GPR176: variants seen among roughly 807,000 people sequenced by gnomAD.
GPR176 encodes G-protein coupled receptor 176.
Under a neutral mutation model 35.4 loss-of-function variants are expected in GPR176, and 26 were observed. The observed-to-expected ratio is 0.74, with a 90% CI of 0.54 to 1.02. GPR176 has a LOEUF of 1.02. Among genes scored for constraint, GPR176 ranks in the 50% least tolerant of loss-of-function variants. The pLI is 0.00. For synonymous variants in GPR176, 278 were observed against 271.3 expected (o/e 1.02, Z -0.24); for missense variants, 597 against 665.3 (o/e 0.90, Z 1.13).
chr15:39,868,020 A>G (rs978156478), intron 1 of GPR176, among the ~76,000 whole-genome samples: 1 of 152,152 alleles, frequency 6.6e-6, no homozygotes, highest in African/African-American at 2.4e-5. Context: ...CTAAGCCATG[A>G]TGCCACCTGT....
At chr15:39,830,654 T>C (rs1041783424) in intron 1 of GPR176, among the ~76,000 whole-genome samples, 8 of 152,328 alleles carry the variant, frequency 5.3e-5, no homozygotes, top group African/African-American at 1.9e-4. Context: ...CTACTCTGTG[T>C]GCTAAATGTT....
chr15:39,833,095 G>A lies in GPR176; in HGVS notation c.173-25837C>T, dbSNP rs140005578. Among the ~76,000 whole-genome samples, 439 of 152,202 alleles carry A rather than the reference G, an allele frequency of 2.9e-3. 3 individuals are homozygous for A. Among genetic ancestry groups the A allele is most frequent in the African/African-American group, 0.01 (417 of 41,524 alleles). ...GGAATGAACATCTTTGGGAGAGAGT[G>A]GGGTTGGGAGCATTATTCTGCTGCC... On this transcript the variant is annotated intron_variant, in intron 1 of 2. Transcript: ENST00000561100.
chr15:39,850,358 G>A (rs558323142), intron 1 of GPR176, among the ~76,000 whole-genome samples: 2 of 152,298 alleles, frequency 1.3e-5, no homozygotes, highest in African/African-American at 4.8e-5. Flanking sequence ...CTAAGCACAT[G>A]ACTATACTTG....
chr15:39,867,475 G>A (rs574652402), intron 1 of GPR176, among the ~76,000 whole-genome samples: 4 of 152,302 alleles, frequency 2.6e-5, no homozygotes, highest in African/African-American at 7.2e-5. Context: ...CCAAAGTCAT[G>A]GCTGGCAGGA....
chr15:39,822,972 A>G (rs1377506764), intron 1 of GPR176, among the ~76,000 whole-genome samples: 2 of 152,200 alleles, frequency 1.3e-5, no homozygotes, highest in Non-Finnish European at 2.9e-5. Flanking sequence ...GACCTTAACC[A>G]GATCATTCGA....
intron 1 of GPR176, among the ~76,000 whole-genome samples, chr15:39,838,809 C>T (rs1466205972): frequency 1.3e-5 from 2 of 152,144 alleles, no homozygotes; most frequent in Non-Finnish European, 2.9e-5. Context: ...TCCTATTCAA[C>T]ATAGTGTTGG....
chr15:39,862,909 G>C (rs1007122721), intron 1 of GPR176, among the ~76,000 whole-genome samples: 1 of 152,006 alleles, frequency 6.6e-6, no homozygotes, highest in African/African-American at 2.4e-5. Flanking sequence ...CCAGAAGAAG[G>C]CACCATTATC....
At position 39,799,196 on chromosome 15, in the gene GPR176, C is replaced by T. The variant is rs1438859490; in HGVS notation, c.*1936G>A. 2.6e-5 allele frequency: 4 copies of T among 152,252 alleles called. No individual in the cohort carries two copies. The highest frequency in any genetic ancestry group is 9.6e-5 in the African/African-American group (4 of 41,474). The allele number at this position is 152,252 out of a possible 1,614,324, so 9.4% of individuals were successfully genotyped here. On this transcript the variant is annotated 3_prime_UTR_variant, in exon 3 of 3. Transcript: ENST00000561100. The stretch of plus-strand genomic sequence containing the variant: ...CATATACAGTATATTATCAGAACAA[C>T]ACCAAAGTGGCTACACTTGACAGAT...
intron 1 of GPR176, among the ~76,000 whole-genome samples, chr15:39,846,110 G>A (rs2030407734): frequency 6.6e-6 from 1 of 152,152 alleles, no homozygotes; most frequent in Non-Finnish European, 1.5e-5. Context: ...CTGTGAAAAT[G>A]GAGTAGATAT....
chr15:39,892,345 T>C (rs959162750), intron 1 of GPR176, among the ~76,000 whole-genome samples: 1 of 145,394 alleles, frequency 6.9e-6, no homozygotes, highest in African/African-American at 2.7e-5. Flanking sequence ...TTACATTACA[T>C]TAAGTAATAT....
intron 1 of GPR176, among the ~76,000 whole-genome samples, chr15:39,906,025 G>A (rs954546102): frequency 2.0e-5 from 3 of 152,122 alleles, no homozygotes; most frequent in Admixed American, 6.5e-5. Flanking sequence ...CCTTATAACT[G>A]TATGTGAATC....
chr15:39,801,247 G>A lies in GPR176; in HGVS notation c.1433C>T (p.Pro478Leu), dbSNP rs201005643. 7 of 1,614,172 alleles carry A rather than the reference G, an allele frequency of 4.3e-6. No homozygotes were observed. The highest frequency in any genetic ancestry group is 5.9e-6 in the Non-Finnish European group (7 of 1,179,994). The change falls in exon 3 of 3, where the codon CCC (proline) becomes CTC (leucine). Residue 478 changes from proline (P) to leucine (L), a missense_variant. Physicochemically the swap from Pro to Leu is moderately conservative, Grantham distance 98 (BLOSUM62 -3). This residue lies in a region of GPR176 where 251 missense variants were observed against 255.4 expected (regional missense o/e 0.98). Transcript: ENST00000561100. Reference sequence around the variant, plus strand: ...CAGCTCTTCTGGGGTGTTGCCCAAGGGGGGAAGCAGCCGCTTCTTGCTGTT... The same window carrying A: ...CAGCTCTTCTGGGGTGTTGCCCAAGAGGGGAAGCAGCCGCTTCTTGCTGTT... ...TRNSKKRLLPPLGNTPEELIQ... is the reference protein window; with the variant it reads ...TRNSKKRLLPLLGNTPEELIQ...
intron 1 of GPR176, among the ~76,000 whole-genome samples, chr15:39,870,897 T>C (rs796167264): frequency 1.3e-4 from 20 of 152,116 alleles, no homozygotes; most frequent in African/African-American, 4.6e-4. Flanking sequence ...TTGCAAGAAA[T>C]TGAATTCTGC....
chr15:39,849,760 T>C (rs556127952), intron 1 of GPR176, among the ~76,000 whole-genome samples: 2 of 152,182 alleles, frequency 1.3e-5, no homozygotes, highest in South Asian at 4.1e-4. Context: ...TGATAAACAT[T>C]TACAGAACAC....
chr15:39,893,777 G>A (rs1322925069), intron 1 of GPR176, among the ~76,000 whole-genome samples: 8 of 143,906 alleles, frequency 5.6e-5, no homozygotes, highest in African/African-American at 2.0e-4. Flanking sequence ...TGGCCAGGCG[G>A]GGGCTGACCC....
chr15:39,853,706 G>A (rs957292910), intron 1 of GPR176, among the ~76,000 whole-genome samples: 4 of 152,116 alleles, frequency 2.6e-5, no homozygotes, highest in African/African-American at 9.7e-5. Context: ...TGTCATAGCT[G>A]GGAGCAGGAG....
chr15:39,908,955 A>G (rs1200298274), intron 1 of GPR176, among the ~76,000 whole-genome samples: 1 of 152,160 alleles, frequency 6.6e-6, no homozygotes, highest in Non-Finnish European at 1.5e-5. Context: ...GGCTATACAG[A>G]GTACTGTGAG....
rs1347760605 is a variant in GPR176, at chr15:39,801,822, G to A, written c.858C>T (p.Val286=). ...ILCSVPYATL[V]VYQTVLNVPD... ...GGACATTGAGCACAGTCTGGTAGAC[G>A]ACCAGGGTGGCATAGGGCACGCTAC... The change falls in exon 3 of 3, where the codon GTC becomes GTT. Residue 286 remains valine, a synonymous_variant. Coordinates refer to ENST00000561100, the MANE Select transcript of GPR176 (RefSeq NM_007223.3). 4 of 1,613,706 alleles carry A rather than the reference G, an allele frequency of 2.5e-6. No individual in the cohort carries two copies. Among genetic ancestry groups the A allele is most frequent in the Non-Finnish European group, 3.4e-6 (4 of 1,179,628 alleles).
chr15:39,818,409 A>G (rs188790465), intron 1 of GPR176, among the ~76,000 whole-genome samples: 4 of 152,378 alleles, frequency 2.6e-5, no homozygotes, highest in African/African-American at 9.6e-5. Flanking sequence ...ATTACTTTGA[A>G]TGAAAAGCAT....
Sources: allele counts gnomAD v4.1 joint callset (sites outside exome capture counted in the v4.1 genomes callset), GRCh38; gene constraint gnomAD v4.1.1; regional missense constraint gnomAD v4.1.1; transcripts MANE v1.5; gene names NCBI Gene and HGNC (gene_info 2026-07-23, HGNC 2026-07-21).